MSI2: variants seen among roughly 807,000 people sequenced by gnomAD.
MSI2 encodes musashi RNA binding protein 2, also known as RNA-binding protein Musashi homolog 2.
Under a neutral mutation model 45.6 loss-of-function variants are expected in MSI2, and 17 were observed. The ratio of observed to expected loss-of-function variants is 0.37; its 90% CI spans 0.26 to 0.56. The LOEUF (loss-of-function observed/expected upper bound fraction) is 0.56. MSI2 is among the 20% of genes least tolerant of loss of function. MSI2 has a pLI of 0.77. For synonymous variants in MSI2, 156 were observed against 158.2 expected, an observed-to-expected ratio of 0.99 and a Z score of 0.11; for missense variants, 293 against 444.2, an observed-to-expected ratio of 0.66 and a Z score of 3.06.
chr17:57,393,648 G>A (rs1476046228), intron 5 of MSI2, among the ~76,000 whole-genome samples: 3 of 152,052 alleles, frequency 2.0e-5, no homozygotes, highest in Non-Finnish European at 4.4e-5. Flanking sequence ...CGGAATTGCT[G>A]GATCATATGG....
At chr17:57,632,593 G>A (rs1909487257) in intron 10 of MSI2, 5 of 1,066,510 alleles carry the variant, frequency 4.7e-6, no homozygotes, top group Non-Finnish European at 5.7e-6. Flanking sequence ...GGAACACAGG[G>A]GGCCCATCCT....
chr17:57,698,814 C>T, the MSI2 span, among the ~76,000 whole-genome samples: 1 of 151,870 alleles, frequency 6.6e-6, no homozygotes, highest in African/African-American at 2.4e-5. Context: ...CTCCACCCCT[C>T]AGCAGCATAG....
At chr17:57,406,366 CTTCAGGCCCCTCCTTCAAGTACCGGT>C (rs2143143646) in intron 6 of MSI2, among the ~76,000 whole-genome samples, 1 of 152,316 alleles carries the variant, frequency 6.6e-6, no homozygotes, top group South Asian at 2.1e-4. Flanking sequence ...TCCTTCTCCC[CTTCAGGCCCCTCCTTCAAGTACCGGT>C]TTCTTAAATT....
intron 6 of MSI2, among the ~76,000 whole-genome samples, chr17:57,418,337 C>A (rs757920741): frequency 1.3e-5 from 2 of 152,188 alleles, no homozygotes; most frequent in African/African-American, 4.8e-5. Context: ...TGGCTATGCT[C>A]ATTTGAAATA....
intron 11 of MSI2, among the ~76,000 whole-genome samples, chr17:57,664,976 G>A (rs1912259180): frequency 6.6e-6 from 1 of 152,204 alleles, no homozygotes; most frequent in Admixed American, 6.5e-5. Flanking sequence ...CCTCAGGCAG[G>A]CCCAGTGTGT....
intron 5 of MSI2, among the ~76,000 whole-genome samples, chr17:57,314,840 G>C (rs1272190465): frequency 6.6e-6 from 1 of 152,174 alleles, no homozygotes; most frequent in Non-Finnish European, 1.5e-5. Flanking sequence ...AAAGTGCTGG[G>C]ATTACAGGTG....
chr17:57,493,173 C>T (rs529167422), intron 6 of MSI2, among the ~76,000 whole-genome samples: 8 of 152,266 alleles, frequency 5.3e-5, no homozygotes, highest in Non-Finnish European at 7.3e-5. Context: ...ACCTTGGAGA[C>T]GTGAGGAGCA....
intron 5 of MSI2, among the ~76,000 whole-genome samples, chr17:57,313,167 A>G (rs962160130): frequency 6.6e-5 from 10 of 152,090 alleles, no homozygotes; most frequent in Admixed American, 3.3e-4. Context: ...CTGATGTCTC[A>G]TACAGACTTT....
rs566838772 is a variant in MSI2 at position 57,624,400 on chromosome 17, T to G, written c.653-2829T>G. Among the ~76,000 whole-genome samples the G allele has an allele frequency of 3.1e-4, 47 of 152,318 alleles. No homozygotes were observed. In the South Asian group the frequency reaches 7.0e-3, roughly 23 times the overall value. ...ATCTGATTTGCTAGCAGGTGATTAA[T>G]TTGGAGGAGAACTGAGCTGCCTAGC... On this transcript the variant is annotated intron_variant, in intron 9 of 13. Coordinates refer to ENST00000284073, the MANE Select transcript of MSI2 (RefSeq NM_138962.4).
chr17:57,441,698 T>C (rs1567825192), intron 6 of MSI2, among the ~76,000 whole-genome samples: 4 of 152,216 alleles, frequency 2.6e-5, no homozygotes, highest in African/African-American at 7.2e-5. Flanking sequence ...GTGCTTTCTT[T>C]CTTCCTTTTC....
intron 11 of MSI2, among the ~76,000 whole-genome samples, chr17:57,672,477 T>C (rs1912870550): frequency 1.3e-5 from 2 of 152,282 alleles, no homozygotes; most frequent in African/African-American, 4.8e-5. Context: ...CTACATCCTG[T>C]CTCCGAGGCT....
Position 57,366,009 on chromosome 17 carries a change from G to T in MSI2, c.313-35370G>T, listed in dbSNP as rs572188342. ...CTCACTGCAACTTCTGCCTCCCCCG[G>T]ATCAAGGGAGCCTCCCACCTCAACC... On this transcript the variant is annotated intron_variant, in intron 5 of 13. Transcript: ENST00000284073. Among the ~76,000 whole-genome samples, 69 of 152,184 alleles carry T rather than the reference G, an allele frequency of 4.5e-4. 1 individual carries two copies. The South Asian group carries it at 4.8e-3, about 11-fold the overall frequency.
intron 11 of MSI2, among the ~76,000 whole-genome samples, chr17:57,653,319 G>C (rs1437683394): frequency 2.6e-5 from 4 of 152,196 alleles, no homozygotes; most frequent in Non-Finnish European, 4.4e-5. Context: ...TTTGGAGGGG[G>C]CTAGGGAGTT....
At chr17:57,560,359 G>A (rs980212198) in intron 7 of MSI2, among the ~76,000 whole-genome samples, 1 of 152,208 alleles carries the variant, frequency 6.6e-6, no homozygotes, top group African/African-American at 2.4e-5. Context: ...GCAGTAACCC[G>A]TGCCCCTCCG....
Position 57,387,233 on chromosome 17 carries a change from G to T in MSI2, c.313-14146G>T, listed in dbSNP as rs191211245. Among the ~76,000 whole-genome samples the T allele has an allele frequency of 5.9e-5, 9 of 152,322 alleles. No homozygotes were observed. In the East Asian group the frequency reaches 1.7e-3, roughly 29 times the overall value. On this transcript the variant is annotated intron_variant, in intron 5 of 13. Transcript: ENST00000284073. ...TGTTTTAAATAGAACAGACATCATG[G>T]CTATAAAACATCTGTAACACTACAC...
intron 6 of MSI2, among the ~76,000 whole-genome samples, chr17:57,498,517 C>T (rs1465834365): frequency 2.0e-5 from 3 of 152,196 alleles, no homozygotes; most frequent in African/African-American, 4.8e-5. Flanking sequence ...ATCATCTCTC[C>T]GACCCCAGTA....
At chr17:57,574,988 G>A (rs527777145) in intron 7 of MSI2, among the ~76,000 whole-genome samples, 2 of 151,932 alleles carry the variant, frequency 1.3e-5, no homozygotes, top group Admixed American at 1.3e-4. Context: ...CCACCACCAC[G>A]CCCGGCTAAT....
intron 5 of MSI2, among the ~76,000 whole-genome samples, chr17:57,272,315 A>G (rs1908448239): frequency 6.6e-6 from 1 of 152,078 alleles, no homozygotes; most frequent in Non-Finnish European, 1.5e-5. Flanking sequence ...TTTTGTTTTT[A>G]CTTTCTGGAT....
intron 6 of MSI2, among the ~76,000 whole-genome samples, chr17:57,476,723 C>T (rs1204009168): frequency 6.6e-6 from 1 of 152,120 alleles, no homozygotes; most frequent in African/African-American, 2.4e-5. Flanking sequence ...GATATATTAC[C>T]TCATTTAACC....
Sources: allele counts gnomAD v4.1 joint callset (sites outside exome capture counted in the v4.1 genomes callset), GRCh38; gene constraint gnomAD v4.1.1; transcripts MANE v1.5; gene names NCBI Gene and HGNC (gene_info 2026-07-23, HGNC 2026-07-21).